The following ADGRA2 variants were observed in gnomAD, a reference collection of about 807,000 sequenced individuals.
ADGRA2 encodes G-protein coupled receptor 124.
In ADGRA2, 61 loss-of-function variants were observed where a neutral mutation model predicts 98.7. That is an observed-to-expected ratio of 0.62 (90% CI 0.50 to 0.76). The LOEUF (loss-of-function observed/expected upper bound fraction) is 0.76, where lower values mean the gene tolerates loss of function less well. Ranked by LOEUF, ADGRA2 falls within the 30% of genes least tolerant of loss-of-function variation. ADGRA2 has a pLI of 0.00. For missense variants in ADGRA2, 1,712 were observed against 1,860.0 expected (o/e 0.92, Z 1.46); for synonymous variants, 858 against 831.5 (o/e 1.03, Z -0.55).
intron 1 of ADGRA2, among the ~76,000 whole-genome samples, chr8:37,812,097 C>G (rs9969628): frequency 0.17 from 26,348 of 151,386 alleles, 4,565 homozygotes; most frequent in African/African-American, 0.44. Flanking sequence ...ATGAGACTCT[C>G]TTTCAGAAAA....
In ADGRA2 at chr8:37,830,596, G is replaced by A; in HGVS notation, c.719-114G>A. 1.5e-6 allele frequency: 1 copy of A among 687,520 alleles called. No homozygotes were observed. Among genetic ancestry groups the A allele is most frequent in the Non-Finnish European group, 2.5e-6 (1 of 398,548 alleles). The allele number at this position is 687,520 out of a possible 1,614,324, so 42.6% of individuals were successfully genotyped here. ...CCCTTTTCCTTCCCAGCTGGAGCAG[G>A]CTGCAGGCCGAGGGCCCCGCCCCGC... On this transcript the variant is annotated intron_variant, in intron 6 of 18. Transcript: ENST00000412232. The surrounding 1 kb of genome is among the most constrained non-coding windows in gnomAD (Gnocchi z 4.8).
chr8:37,803,936 C>A (rs1455196055), intron 1 of ADGRA2, among the ~76,000 whole-genome samples: 1 of 152,170 alleles, frequency 6.6e-6, no homozygotes, highest in Non-Finnish European at 1.5e-5. Context: ...CTCCTCCTCC[C>A]TTCCCCTGCC....
Position 37,840,813 on chromosome 8 carries a change from C to T in ADGRA2, c.2711C>T (p.Ala904Val). The T allele has an allele frequency of 6.2e-7, 1 of 1,609,550 alleles. No homozygotes were observed. The highest frequency in any genetic ancestry group is 8.5e-7 in the Non-Finnish European group (1 of 1,176,576). The change falls in exon 18 of 19, where the codon GCA becomes GTA. Residue 904 changes from alanine to valine, a missense_variant. Ala to Val is a moderately conservative substitution (Grantham distance 64, BLOSUM62 0). Transcript: ENST00000412232. ...CTCATTATCTGTGGCATCACAGCTG[C>T]AGTCAACATCCACAACTACCGGGAC... is the stretch of plus-strand genomic sequence containing the variant. The part of the protein sequence containing the change: ...IPLIICGITA[A>V]VNIHNYRDHS...
chr8:37,796,885 C>T lies in ADGRA2; in HGVS notation c.-384C>T, dbSNP rs1804336265. On this transcript the variant is annotated 5_prime_UTR_variant, in exon 1 of 19. Coordinates refer to ENST00000412232, the MANE Select transcript of ADGRA2 (RefSeq NM_032777.10). The stretch of plus-strand genomic sequence containing the variant: ...CGGCGCGGCGCGGAGCTGCCTCCAT[C>T]CATGGCACGGAGCGGCGGCGGCGGC... The T allele has an allele frequency of 6.5e-6, 1 of 153,708 alleles. No homozygotes were observed. 9.5% of individuals were successfully genotyped at this position (153,708 alleles called of 1,614,324 possible). A position where few individuals can be genotyped will look rare whatever the true frequency, so the allele number is the denominator to read the frequency against.
In ADGRA2 at chr8:37,834,206, GC is replaced by G; in HGVS notation, c.1608+82del. 1.5e-6 allele frequency: 2 copies of G among 1,307,596 alleles called. No homozygotes were observed. The highest frequency in any genetic ancestry group is 2.1e-6 in the Non-Finnish European group (2 of 954,016). 81.0% of individuals were successfully genotyped at this position (1,307,596 alleles called of 1,614,324 possible). ...TCCCTCTCAGGCGTGCACCTGCCGT[GC>G]CCCAGCTAGCAAGAGCAGCAGACGT... is the stretch of plus-strand genomic sequence containing the variant. On this transcript the variant is annotated intron_variant, in intron 11 of 18. Coordinates refer to ENST00000412232, the MANE Select transcript of ADGRA2 (RefSeq NM_032777.10). The surrounding 1 kb of genome is among the most constrained non-coding windows in gnomAD (Gnocchi z 4.2).
In ADGRA2 at chr8:37,840,203, C is replaced by G. The variant is rs772301014; in HGVS notation, c.2594C>G (p.Thr865Ser). Residue 865 changes from threonine (T) to serine (S), a missense_variant, in exon 17 of 19, where the codon ACC becomes AGC. Thr to Ser is a moderately conservative substitution (Grantham distance 58). Coordinates refer to ENST00000412232, the MANE Select transcript of ADGRA2 (RefSeq NM_032777.10). ...VKARVLHKEL[T>S]WRAPPPQEGD... ...GCGCGAGTGCTCCATAAGGAGCTCA[C>G]CTGGAGGGCACCCCCTCCGCAAGAA... 1 of 1,612,660 alleles carries G rather than the reference C, an allele frequency of 6.2e-7. No homozygotes were observed. Among genetic ancestry groups the G allele is most frequent in the Non-Finnish European group, 8.5e-7 (1 of 1,179,896 alleles).
Position 37,822,892 on chromosome 8 carries a change from C to CTT in ADGRA2, c.339-5980_339-5979dup, listed in dbSNP as rs1279274845. Among the ~76,000 whole-genome samples the CTT allele has an allele frequency of 5.4e-3, 750 of 139,324 alleles. 11 individuals carry two copies. Among genetic ancestry groups the CTT allele is most frequent in the African/African-American group, 0.018 (696 of 37,866 alleles). 91.4% of individuals were successfully genotyped at this position (139,324 alleles called of 152,430 possible). On this transcript the variant is annotated intron_variant, in intron 2 of 18. Coordinates refer to ENST00000412232, the MANE Select transcript of ADGRA2 (RefSeq NM_032777.10). ...CTCTTGAATATTTGGGTGGATACTA[C>CTT]TTTTTTTTTTTTTTTTTGAGATGGA...
chr8:37,804,135 A>ACACACACACACACACT (rs1804592800), intron 1 of ADGRA2, among the ~76,000 whole-genome samples: 1 of 151,026 alleles, frequency 6.6e-6, no homozygotes, highest in South Asian at 2.1e-4. Flanking sequence ...ACACACACAC[A>ACACACACACACACACT]CACACACACA....
intron 2 of ADGRA2, among the ~76,000 whole-genome samples, chr8:37,821,551 G>A (rs1805125851): frequency 6.6e-6 from 1 of 152,178 alleles, no homozygotes; most frequent in African/African-American, 2.4e-5. Context: ...CTTTTCTGGG[G>A]GGCTCTGAGG....
At chr8:37,835,465 G>C in intron 12 of ADGRA2, 67 bp downstream of exon 12, 1 of 1,520,510 alleles carries the variant, frequency 6.6e-7, no homozygotes, top group Non-Finnish European at 9.1e-7. Flanking sequence ...CCTGGTGGGG[G>C]CAGTGAGAGG....
intron 13 of ADGRA2, among the ~76,000 whole-genome samples, chr8:37,836,241 TCCCA>T (rs1259290190): frequency 3.3e-4 from 50 of 152,016 alleles, no homozygotes; most frequent in African/African-American, 1.2e-3. Context: ...TGAAGTAACC[TCCCA>T]GGGCAGCCAC....
chr8:37,830,052 C>G lies in ADGRA2; in HGVS notation c.718+38C>G, dbSNP rs1195339614. ...CCCCAGCTACACATCTCCCAGGGACCCTGCCTCTCCACCAACCCAGGGCCC... is the reference window on the plus strand; with the variant it reads ...CCCCAGCTACACATCTCCCAGGGACGCTGCCTCTCCACCAACCCAGGGCCC... On this transcript the variant is annotated intron_variant, in intron 6 of 18. Transcript: ENST00000412232. This position sits in a 1 kb window ranked among gnomAD's most constrained non-coding sequence, Gnocchi z 4.8. The G allele has an allele frequency of 2.1e-6, 3 of 1,398,432 alleles. No individual in the cohort carries two copies. In the East Asian group the frequency reaches 7.6e-5, roughly 35 times the overall value. 86.6% of individuals were successfully genotyped at this position (1,398,432 alleles called of 1,614,324 possible).
rs920234711 is a variant in ADGRA2, at chr8:37,844,284, G to A, written c.*1929G>A. 1.7e-6 allele frequency: 1 copy of A among 605,148 alleles called. No homozygotes were observed. Among genetic ancestry groups the A allele is most frequent in the African/African-American group, 1.8e-5 (1 of 54,060 alleles). 37.5% of individuals were successfully genotyped at this position (605,148 alleles called of 1,614,324 possible). A position where few individuals can be genotyped will look rare whatever the true frequency, so the allele number is the denominator to read the frequency against. On this transcript the variant is annotated 3_prime_UTR_variant, in exon 19 of 19. Coordinates refer to ENST00000412232, the MANE Select transcript of ADGRA2 (RefSeq NM_032777.10). ...TAGGCAACTTGCTCTCCCACACCAA[G>A]GGATGGGAATCTCTCCTACCTATAG...
Position 37,829,714 on chromosome 8 carries a change from C to CG in ADGRA2, c.555-133dup, listed in dbSNP as rs1317739358. Reference sequence around the variant, plus strand: ...CCATGATCACCTTCCCGCGATGGCCCGGGGCAGAGATGGTGCACATAGACC... The same window carrying CG: ...CCATGATCACCTTCCCGCGATGGCCCGGGGGCAGAGATGGTGCACATAGACC... On this transcript the variant is annotated intron_variant, in intron 5 of 18. Transcript: ENST00000412232. The CG allele has an allele frequency of 8.1e-5, 81 of 1,005,128 alleles. No individual in the cohort carries two copies. In the African/African-American group the frequency reaches 1.1e-3, roughly 14 times the overall value. The allele number at this position is 1,005,128 out of a possible 1,614,324, so 62.3% of individuals were successfully genotyped here. A position where few individuals can be genotyped will look rare whatever the true frequency, so the allele number is the denominator to read the frequency against.
intron 2 of ADGRA2, among the ~76,000 whole-genome samples, chr8:37,820,761 C>T (rs951855522): frequency 1.1e-4 from 16 of 150,772 alleles, no homozygotes; most frequent in African/African-American, 3.9e-4. Flanking sequence ...GCTGTGTGTA[C>T]GTGAGGGGGT....
chr8:37,811,080 C>T (rs1160304787), intron 1 of ADGRA2, among the ~76,000 whole-genome samples: 1 of 137,130 alleles, frequency 7.3e-6, no homozygotes, highest in Non-Finnish European at 1.5e-5. Context: ...CGCCACTGCA[C>T]TGCAGACTGG....
At chr8:37,807,384 G>C (rs1804706350) in intron 1 of ADGRA2, among the ~76,000 whole-genome samples, 2 of 152,208 alleles carry the variant, frequency 1.3e-5, no homozygotes, top group Non-Finnish European at 2.9e-5. Flanking sequence ...AGGTCTTACT[G>C]TCGTATCAAC....
chr8:37,819,387 A>G (rs1349321642), intron 2 of ADGRA2, among the ~76,000 whole-genome samples: 1 of 152,084 alleles, frequency 6.6e-6, no homozygotes, highest in Non-Finnish European at 1.5e-5. Flanking sequence ...TATTATTATT[A>G]TTTGAGATGG....
Position 37,844,830 on chromosome 8 carries a change from AGT to A in ADGRA2, c.*2477_*2478del. 6.2e-7 allele frequency: 1 copy of A among 1,614,156 alleles called. No homozygotes were observed. Among genetic ancestry groups the A allele is most frequent in the South Asian group, 1.1e-5 (1 of 91,080 alleles). ...CCCATCCCGAAAGGCAGAGCGGACC[AGT>A]GACTGGCGGTGCTGGAGAAGGTCAC... is the stretch of plus-strand genomic sequence containing the variant. On this transcript the variant is annotated 3_prime_UTR_variant, in exon 19 of 19. Coordinates refer to ENST00000412232, the MANE Select transcript of ADGRA2 (RefSeq NM_032777.10).
Sources: allele counts gnomAD v4.1 joint callset (sites outside exome capture counted in the v4.1 genomes callset), GRCh38; gene constraint gnomAD v4.1.1; non-coding constraint Gnocchi (gnomAD v3.1); transcripts MANE v1.5; gene names NCBI Gene and HGNC (gene_info 2026-07-23, HGNC 2026-07-21).